DPH7: variants seen among roughly 807,000 people sequenced by gnomAD.
The protein encoded by DPH7 is diphthine methyltransferase.
A neutral mutation model predicts 41.7 loss-of-function variants in DPH7; 44 were observed. The ratio of observed to expected loss-of-function variants is 1.05; its 90% confidence interval spans 0.83 to 1.36. The LOEUF is 1.36. DPH7 is among the 40% of genes most tolerant of loss of function. The pLI, the probability that DPH7 is intolerant of heterozygous loss-of-function variation, is 0.00. For missense variants in DPH7, 629 were observed against 577.5 expected (o/e 1.09, Z -0.91); for synonymous variants, 275 against 238.0 (o/e 1.16, Z -1.43).
chr9:137,577,053 C>CA (rs71493678), intron 2 of DPH7, among the ~76,000 whole-genome samples: 187 of 139,188 alleles, frequency 1.3e-3, no homozygotes, highest in Admixed American at 3.7e-3. Flanking sequence ...AACCCTGCCT[C>CA]AAAAAAAAAA....
rs149787260 is a variant in DPH7, at chr9:137,555,506, C to T, written c.1092G>A (p.Thr364=). 1.1e-5 allele frequency: 18 copies of T among 1,614,092 alleles called. 1 individual carries two copies. The highest frequency in any genetic ancestry group is 1.1e-4 in the African/African-American group (8 of 75,028). Residue 364 remains threonine (T), a synonymous_variant, in exon 9 of 9, where the codon ACG becomes ACA. Transcript: ENST00000277540. ...WSFPSNLGTK[T]ADLKGASELP... ...ACTCGCTTGCACCCTTCAGGTCTGC[C>T]GTCTTGGTTCCTAGGTTGCTAGGAA...
rs1000505967 is a variant in DPH7, at chr9:137,555,010, C to T, written c.*229G>A. The T allele has an allele frequency of 6.7e-5, 29 of 435,782 alleles. No individual in the cohort carries two copies. Among genetic ancestry groups the T allele is most frequent in the East Asian group, 1.8e-4 (5 of 27,932 alleles). 27.0% of individuals were successfully genotyped at this position (435,782 alleles called of 1,614,324 possible). ...TAACAAATCTGCAAGCTGGAAACCG[C>T]GTCTTTTCCCCACTCTCTGCCAGAC... On this transcript the variant is annotated 3_prime_UTR_variant, in exon 9 of 9. Coordinates refer to ENST00000277540, the MANE Select transcript of DPH7 (RefSeq NM_138778.5).
Position 137,555,466 on chromosome 9 carries a change from G to A in DPH7, c.1132C>T (p.His378Tyr). ...KGASELPTPC[H>Y]ECREDNDGEG... is the part of the protein sequence containing the mutation. ...CCATCGTTATCCTCTCTGCATTCAT[G>A]ACAGGGTGTTGGCAACTCGCTTGCA... The change falls in exon 9 of 9, where the codon CAT (histidine) becomes TAT (tyrosine). Residue 378 changes from histidine to tyrosine, a missense_variant. Transcript: ENST00000277540. The A allele has an allele frequency of 1.2e-6, 2 of 1,614,122 alleles. No individual in the cohort carries two copies. Among genetic ancestry groups the A allele is most frequent in the Non-Finnish European group, 1.7e-6 (2 of 1,180,004 alleles).
chr9:137,564,545 G>C lies in DPH7; in HGVS notation c.838C>G (p.Pro280Ala). The change falls in exon 8 of 9, where the codon CCT becomes GCT. Residue 280 changes from proline (P) to alanine (A), a missense_variant. Coordinates refer to ENST00000277540, the MANE Select transcript of DPH7 (RefSeq NM_138778.5). ...RNMKQPLADT[P>A]VQGGVWRIKW... ...ATTCTCCATACCCCACCCTGCACAG[G>C]CGTATCTGCCAACGGCTGCTTCATG... is the stretch of plus-strand genomic sequence containing the variant. 6.2e-7 allele frequency: 1 copy of C among 1,614,124 alleles called. No individual in the cohort carries two copies. The highest frequency in any genetic ancestry group is 8.5e-7 in the Non-Finnish European group (1 of 1,179,982).
At chr9:137,576,218 T>C in intron 2 of DPH7, 51 bp from the exon 3 acceptor site, 1 of 1,531,724 alleles carries the variant, frequency 6.5e-7, no homozygotes, top group Non-Finnish European at 9.0e-7. Flanking sequence ...AGCACAGGCG[T>C]GCACTGTGCG....
intron 8 of DPH7, among the ~76,000 whole-genome samples, chr9:137,564,203 T>A (rs1376629125): frequency 6.6e-6 from 1 of 152,156 alleles, no homozygotes; most frequent in Non-Finnish European, 1.5e-5. Flanking sequence ...GGCACCGGAA[T>A]GACGGAGCTG....
intron 7 of DPH7, 102 bp from the exon 8 acceptor site, chr9:137,564,708 T>C: frequency 2.0e-6 from 3 of 1,507,542 alleles, no homozygotes; most frequent in Non-Finnish European, 2.7e-6. Context: ...ACCTGTCCCA[T>C]GCATCCCTCG....
chr9:137,578,692 T>G lies in DPH7; in HGVS notation c.86A>C (p.His29Pro), dbSNP rs1006544670. The G allele has an allele frequency of 2.0e-6, 3 of 1,530,854 alleles. No homozygotes were observed. In the East Asian group the frequency reaches 7.9e-5, roughly 40 times the overall value. The allele number at this position is 1,530,854 out of a possible 1,614,324, so 94.8% of individuals were successfully genotyped here. The change falls in exon 1 of 9, where the codon CAC becomes CCC. Residue 29 changes from histidine (H) to proline (P), a missense_variant. By Grantham distance (77) the His-to-Pro change is moderately conservative (BLOSUM62 -2). Transcript: ENST00000277540. ...VEWCPLQGCR[H>P]LLACGTYQLR... Reference sequence around the variant, plus strand: ...CTGGTAGGTCCCGCACGCCAGCAGGTGCCTGCAGCCTTGCAGCGGGCACCA... The same window carrying G: ...CTGGTAGGTCCCGCACGCCAGCAGGGGCCTGCAGCCTTGCAGCGGGCACCA...
chr9:137,569,582 AC>A (rs1045874194), intron 5 of DPH7, among the ~76,000 whole-genome samples: 4 of 80,346 alleles, frequency 5.0e-5, no homozygotes, highest in South Asian at 4.5e-4. Flanking sequence ...CCATCCATCC[AC>A]CCCCCGTCTA....
intron 5 of DPH7, among the ~76,000 whole-genome samples, chr9:137,569,719 G>GATCC (rs772760705): frequency 0.062 from 5,921 of 95,422 alleles, 450 homozygotes; most frequent in African/African-American, 0.2. Flanking sequence ...ATCCACCCAT[G>GATCC]ATCCATCCAT....
intron 8 of DPH7, among the ~76,000 whole-genome samples, chr9:137,563,470 T>C (rs1838975271): frequency 7.0e-6 from 1 of 142,526 alleles, no homozygotes; most frequent in African/African-American, 2.7e-5. Context: ...AGGCGAAGGC[T>C]GTGGTGAGCC....
At position 137,555,143 on chromosome 9, in the gene DPH7, G is replaced by A. The variant is rs1484060980; in HGVS notation, c.*96C>T. ...TTCCATCAGTGCACAGGCACCTGCA[G>A]GGCTGCAGTAAGCATCTCTGATGAG... On this transcript the variant is annotated 3_prime_UTR_variant, in exon 9 of 9. Transcript: ENST00000277540. 7.0e-7 allele frequency: 1 copy of A among 1,437,698 alleles called. No homozygotes were observed. Among genetic ancestry groups the A allele is most frequent in the Non-Finnish European group, 9.3e-7 (1 of 1,078,116 alleles). The allele number at this position is 1,437,698 out of a possible 1,614,324, so 89.1% of individuals were successfully genotyped here. A position where few individuals can be genotyped will look rare whatever the true frequency, so the allele number is the denominator to read the frequency against.
At chr9:137,576,883 C>A (rs1841496976) in intron 2 of DPH7, among the ~76,000 whole-genome samples, 1 of 150,508 alleles carries the variant, frequency 6.6e-6, no homozygotes, top group African/African-American at 2.4e-5. Flanking sequence ...GAGCGAGACT[C>A]CGTCTCAAAA....
In DPH7 at chr9:137,576,167, C is replaced by T. The variant is rs748909535; in HGVS notation, c.288G>A (p.Trp96Ter). ...CATGTCCAGCCACCGGGATGTGACA[C>T]CTGAGGAGAGGGCCCACCATAAGCA... ...KDTSAILDMK[W>*]CHIPVAGHAL... Residue 96 changes from tryptophan to a stop codon, truncating the protein, a stop_gained and splice_region_variant, in exon 3 of 9, where the codon TGG (tryptophan) becomes TGA (stop). Transcript: ENST00000277540. LOFTEE classifies it high-confidence loss of function. The T allele has an allele frequency of 1.3e-5, 21 of 1,613,676 alleles. No individual in the cohort carries two copies. Among genetic ancestry groups the T allele is most frequent in the Non-Finnish European group, 1.8e-5 (21 of 1,179,962 alleles).
rs1281223157 is a variant in DPH7, at chr9:137,578,868, G to A, written c.-91C>T. 10 of 1,280,596 alleles carry A rather than the reference G, an allele frequency of 7.8e-6. No homozygotes were observed. The highest frequency in any genetic ancestry group is 5.8e-4 in the Middle Eastern group (2 of 3,420). The allele number at this position is 1,280,596 out of a possible 1,614,324, so 79.3% of individuals were successfully genotyped here. ...GCGCGGGGCGGCGAGGCCGGGGCCG[G>A]CCGGACGAGCGCAGAGCCCCAGGGA... On this transcript the variant is annotated 5_prime_UTR_variant, in exon 1 of 9. Transcript: ENST00000277540.
In DPH7 at chr9:137,564,984, C is replaced by T. The variant is rs533603366; in HGVS notation, c.711-26G>A. On this transcript the variant is annotated intron_variant, in intron 6 of 8. Transcript: ENST00000277540. ...CTGCAAGCAGAGGCGGCTTCTGAAC[C>T]AGTGTCCAGCACACAGACCCACCCA... is the stretch of plus-strand genomic sequence containing the variant. The T allele has an allele frequency of 3.1e-6, 5 of 1,599,354 alleles. No individual in the cohort carries two copies. In the East Asian group the frequency reaches 1.1e-4, roughly 36 times the overall value.
Position 137,555,347 on chromosome 9 carries a change from TGTGGTGGCTGCTGTA to T in DPH7, c.1236_1250del (p.Thr413_Thr417del). 1 of 1,614,126 alleles carries T rather than the reference TGTGGTGGCTGCTGTA, an allele frequency of 6.2e-7. No homozygotes were observed. The highest frequency in any genetic ancestry group is 8.5e-7 in the Non-Finnish European group (1 of 1,179,988). ...CTTCTGGGTTCACGCCACAGTCACGTGTGGTGGCTGCTGTAGCCTGCAGCCAGGTGCCATTCTTCC... is the reference window on the plus strand; with the variant it reads ...CTTCTGGGTTCACGCCACAGTCACGTGCCTGCAGCCAGGTGCCATTCTTCC... On this transcript the variant is annotated inframe_deletion, in exon 9 of 9. Coordinates refer to ENST00000277540, the MANE Select transcript of DPH7 (RefSeq NM_138778.5).
In DPH7 at chr9:137,556,667, T is replaced by C; in HGVS notation, c.950-1019A>G. On this transcript the variant is annotated intron_variant, in intron 8 of 8. Coordinates refer to ENST00000277540, the MANE Select transcript of DPH7 (RefSeq NM_138778.5). The surrounding 1 kb of genome is among the most constrained non-coding windows in gnomAD (Gnocchi z 5.2). ...CAGCCACAGGGGCCCTCGAGCAGCATGTGTGGGGCGACCCTCGGGAGGAAG... is the reference window on the plus strand; with the variant it reads ...CAGCCACAGGGGCCCTCGAGCAGCACGTGTGGGGCGACCCTCGGGAGGAAG... 1 of 360,960 alleles carries C rather than the reference T, an allele frequency of 2.8e-6. No individual in the cohort carries two copies. Among genetic ancestry groups the C allele is most frequent in the Non-Finnish European group, 5.5e-6 (1 of 181,908 alleles). The allele number at this position is 360,960 out of a possible 1,614,324, so 22.4% of individuals were successfully genotyped here. A position where few individuals can be genotyped will look rare whatever the true frequency, so the allele number is the denominator to read the frequency against.
chr9:137,573,310 G>A (rs1319418766), intron 5 of DPH7, among the ~76,000 whole-genome samples: 9 of 140,920 alleles, frequency 6.4e-5, no homozygotes, highest in Admixed American at 4.5e-4. Context: ...GCAGTGAGCC[G>A]AGATCGCGCC....
Sources: allele counts gnomAD v4.1 joint callset (sites outside exome capture counted in the v4.1 genomes callset), GRCh38; gene constraint gnomAD v4.1.1; non-coding constraint Gnocchi (gnomAD v3.1); transcripts MANE v1.5; gene names NCBI Gene and HGNC (gene_info 2026-07-23, HGNC 2026-07-21).